ZNF300: variants seen among roughly 807,000 people sequenced by gnomAD.
ZNF300 encodes the protein zinc finger protein 300.
A neutral mutation model predicts 13.9 loss-of-function variants in ZNF300; 6 were observed. The observed-to-expected ratio is 0.43, with a 90% CI of 0.24 to 0.85. The LOEUF (loss-of-function observed/expected upper bound fraction) is 0.85, where lower values mean the gene tolerates loss of function less well. ZNF300 is among the 40% of genes least tolerant of loss of function. The pLI is 0.25. For missense variants in ZNF300, 662 were observed against 714.2 expected (o/e 0.93, Z 0.83); for synonymous variants, 237 against 242.2 (o/e 0.98, Z 0.20).
intron 3 of ZNF300, among the ~76,000 whole-genome samples, chr5:150,901,469 T>C (rs966146592): frequency 6.6e-6 from 1 of 152,010 alleles, no homozygotes; most frequent in Non-Finnish European, 1.5e-5. Flanking sequence ...CACATTTGGC[T>C]GATGGCTACT....
intron 5 of ZNF300, 91 bp downstream of exon 5, chr5:150,897,971 A>G (rs886697652): frequency 6.8e-7 from 1 of 1,474,616 alleles, no homozygotes. Flanking sequence ...TTCTCAGCAT[A>G]GAAGCAAAGA....
rs1754764441 is a variant in ZNF300, at chr5:150,896,129, T to C, written c.1110A>G (p.Ile370Met). The C allele has an allele frequency of 6.2e-7, 1 of 1,613,292 alleles. No homozygotes were observed. Among genetic ancestry groups the C allele is most frequent in the Non-Finnish European group, 8.5e-7 (1 of 1,179,738 alleles). Residue 370 changes from isoleucine to methionine, a missense_variant, in exon 6 of 6, where the codon ATA (isoleucine) becomes ATG (methionine). Physicochemically the swap from Ile to Met is conservative, Grantham distance 10 (BLOSUM62 1). Transcript: ENST00000274599. ...TTTCCCCAGTATGTATTCTCTGATG[T>C]ATAATGAGGGGTGATTTCTGGGAGA... ...KAFSQKSPLI[I>M]HQRIHTGEKP... is the part of the protein sequence containing the mutation.
intron 4 of ZNF300, 67 bp downstream of exon 4, chr5:150,898,361 C>G (rs1466880188): frequency 8.1e-6 from 13 of 1,611,642 alleles, no homozygotes; most frequent in Non-Finnish European, 1.1e-5. Flanking sequence ...ACAATCTAAT[C>G]ACAGCAACTA....
At chr5:150,897,863 C>A (rs1754848660) in intron 5 of ZNF300, 199 bp downstream of exon 5, 1 of 513,032 alleles carries the variant, frequency 1.9e-6, no homozygotes, top group Non-Finnish European at 3.1e-6. Flanking sequence ...GGAAAGACAA[C>A]AAATATAAAC....
In ZNF300 at chr5:150,895,781, T is replaced by C. The variant is rs188394854; in HGVS notation, c.1458A>G (p.Thr486=). Residue 486 remains threonine (T), a synonymous_variant, in exon 6 of 6, where the codon ACA becomes ACG. Transcript: ENST00000274599. ...ATTTATAGGGTTTTTCTCCAGTATG[T>C]GTTCTCTGATGTATGATGAGCTGTG... The part of the protein sequence containing the change: ...RKSQLIIHQR[T]HTGEKPYKCS... 345 of 1,613,460 alleles carry C rather than the reference T, an allele frequency of 2.1e-4. No individual in the cohort carries two copies. Among genetic ancestry groups the C allele is most frequent in the Middle Eastern group, 6.6e-4 (4 of 6,076 alleles).
Position 150,895,867 on chromosome 5 carries a change from C to G in ZNF300, c.1372G>C (p.Val458Leu). 1 of 1,613,412 alleles carries G rather than the reference C, an allele frequency of 6.2e-7. No homozygotes were observed. The highest frequency in any genetic ancestry group is 1.7e-5 in the Admixed American group (1 of 59,836). ...RKTELITHQL[V>L]HTGEKPYECT... ...TCATAAGGTTTTTCCCCAGTATGAA[C>G]TAACTGATGTGTAATGAGTTCTGTC... Residue 458 changes from valine (V) to leucine (L), a missense_variant, in exon 6 of 6, where the codon GTT (valine) becomes CTT (leucine). Transcript: ENST00000274599.
rs776151574 is a variant in ZNF300 at position 150,896,113 on chromosome 5, TATGTATTCTCTG to T, written c.1114_1125del (p.Gln372_His375del). The T allele has an allele frequency of 6.2e-7, 1 of 1,613,428 alleles. No individual in the cohort carries two copies. Among genetic ancestry groups the T allele is most frequent in the Non-Finnish European group, 8.5e-7 (1 of 1,179,732 alleles). ...CTACATTCATAGGGTTTTTCCCCAG[TATGTATTCTCTG>T]ATGTATAATGAGGGGTGATTTCTGG... On this transcript the variant is annotated inframe_deletion, in exon 6 of 6. Transcript: ENST00000274599.
chr5:150,903,426 G>T, intron 2 of ZNF300: 1 of 1,402,302 alleles, frequency 7.1e-7, no homozygotes, highest in Non-Finnish European at 9.8e-7. Context: ...TTTTATAATT[G>T]GATAGATGTG....
At position 150,903,135 on chromosome 5, in the gene ZNF300, A is replaced by G. The variant is rs1005334745; in HGVS notation, c.15+6T>C. The G allele has an allele frequency of 6.2e-6, 10 of 1,605,556 alleles. No homozygotes were observed. The African/African-American group carries it at 8.1e-5, about 13-fold the overall frequency. ...GAATTTTTTTTTTTTTTAAAAAGCA[A>G]CTCACCTGGGACTTCATCATTTTTT... is the stretch of plus-strand genomic sequence containing the variant. On this transcript the variant is annotated splice_donor_region_variant and intron_variant, in intron 3 of 5. Transcript: ENST00000274599.
At position 150,894,703 on chromosome 5, in the gene ZNF300, G is replaced by C. The variant is rs1025921370; in HGVS notation, c.*721C>G. The C allele has an allele frequency of 6.6e-6, 1 of 152,290 alleles. No homozygotes were observed. Among genetic ancestry groups the C allele is most frequent in the Admixed American group, 6.6e-5 (1 of 15,266 alleles). The allele number at this position is 152,290 out of a possible 1,614,324, so 9.4% of individuals were successfully genotyped here. On this transcript the variant is annotated 3_prime_UTR_variant, in exon 6 of 6. Coordinates refer to ENST00000274599, the MANE Select transcript of ZNF300 (RefSeq NM_052860.4). The stretch of plus-strand genomic sequence containing the variant: ...CTTACTGATAAAAAATACTCAGCTA[G>C]GAGAAGTATGTTTGCCTAAAGTCAC...
chr5:150,897,058 A>G, intron 5 of ZNF300, 85 bp from the exon 6 acceptor site: 1 of 1,057,906 alleles, frequency 9.5e-7, no homozygotes, highest in Non-Finnish European at 1.3e-6. Flanking sequence ...ATGATCCAAC[A>G]TAGTAGATGA....
In ZNF300 at chr5:150,898,049, A is replaced by G; in HGVS notation, c.265+13T>C. ...CAATCAATTAAAAAAACATAAATTG[A>G]TATTTCACTTCCCTTGTCTCCCATC... On this transcript the variant is annotated intron_variant, in intron 5 of 5. Coordinates refer to ENST00000274599, the MANE Select transcript of ZNF300 (RefSeq NM_052860.4). 1 of 1,605,096 alleles carries G rather than the reference A, an allele frequency of 6.2e-7. No homozygotes were observed. The highest frequency in any genetic ancestry group is 8.5e-7 in the Non-Finnish European group (1 of 1,177,180).
chr5:150,904,468 TCA>T (rs1177768222), intron 1 of ZNF300, among the ~76,000 whole-genome samples: 2 of 151,986 alleles, frequency 1.3e-5, no homozygotes, highest in East Asian at 3.9e-4. Flanking sequence ...CACTGATTCC[TCA>T]GAGTCCCCTA....
Position 150,895,812 on chromosome 5 carries a change from C to A in ZNF300, c.1427G>T (p.Arg476Leu). The A allele has an allele frequency of 1.2e-6, 2 of 1,613,076 alleles. No individual in the cohort carries two copies. The highest frequency in any genetic ancestry group is 8.5e-7 in the Non-Finnish European group (1 of 1,179,706). The change falls in exon 6 of 6, where the codon CGC becomes CTC. Residue 476 changes from arginine to leucine, a missense_variant. Coordinates refer to ENST00000274599, the MANE Select transcript of ZNF300 (RefSeq NM_052860.4). ...ECTECGKTFS[R>L]KSQLIIHQRT... ...CTGATGTATGATGAGCTGTGACTTG[C>A]GGGAGAATGTCTTTCCACATTCAGT...
intron 3 of ZNF300, chr5:150,900,463 C>G (rs1010381661): frequency 2.0e-5 from 3 of 152,124 alleles, no homozygotes; most frequent in Non-Finnish European, 2.9e-5. Context: ...TCCCCCCTCT[C>G]TGCTATAACA....
Position 150,895,678 on chromosome 5 carries a change from A to G in ZNF300, c.1561T>C (p.Tyr521His). 1.2e-6 allele frequency: 2 copies of G among 1,613,472 alleles called. No individual in the cohort carries two copies. The highest frequency in any genetic ancestry group is 1.7e-6 in the Non-Finnish European group (2 of 1,179,792). The change falls in exon 6 of 6, where the codon TAT (tyrosine) becomes CAT (histidine). Residue 521 changes from tyrosine (Y) to histidine (H), a missense_variant. Tyr to His is a moderately conservative substitution (Grantham distance 83, BLOSUM62 2). Coordinates refer to ENST00000274599, the MANE Select transcript of ZNF300 (RefSeq NM_052860.4). ...GCTTTCCCACATTCAGTACATATATAAGGTTTTTCTCCTGTGTGAATTCTC... is the reference window on the plus strand; with the variant it reads ...GCTTTCCCACATTCAGTACATATATGAGGTTTTTCTCCTGTGTGAATTCTC... ...HQRIHTGEKP[Y>H]ICTECGKAFS...
In ZNF300 at chr5:150,895,435, C is replaced by T. The variant is rs1224924065; in HGVS notation, c.1804G>A (p.Val602Ile). 2 of 1,599,844 alleles carry T rather than the reference C, an allele frequency of 1.3e-6. No individual in the cohort carries two copies. Among genetic ancestry groups the T allele is most frequent in the Admixed American group, 3.4e-5 (2 of 58,866 alleles). ...LTVHQRIHTV[V>I]KS ...CTGTGGCCAGTTCATTATGATTTTA[C>T]CACTGTGTGAATTCTCTGGTGTACA... The change falls in exon 6 of 6, where the codon GTA becomes ATA. Residue 602 changes from valine (V) to isoleucine (I), a missense_variant. Physicochemically the swap from Val to Ile is conservative, Grantham distance 29. Transcript: ENST00000274599.
chr5:150,898,521 A>T lies in ZNF300; in HGVS notation c.49T>A (p.Phe17Ile), dbSNP rs1197491781. Residue 17 changes from phenylalanine (F) to isoleucine (I), a missense_variant, in exon 4 of 6, where the codon TTC becomes ATC. Transcript: ENST00000274599. ...LVSFKDVAVD[F>I]TQEEWQQLDP... is the part of the protein sequence containing the mutation. ...AGTTGCTGCCACTCCTCCTGGGTGA[A>T]ATCCACAGCCACATCCTTGAATGAT... is the stretch of plus-strand genomic sequence containing the variant. 1.2e-6 allele frequency: 2 copies of T among 1,612,858 alleles called. No homozygotes were observed. The highest frequency in any genetic ancestry group is 1.7e-6 in the Non-Finnish European group (2 of 1,179,268).
chr5:150,895,845 T>C lies in ZNF300; in HGVS notation c.1394A>G (p.Tyr465Cys). The C allele has an allele frequency of 6.2e-7, 1 of 1,613,682 alleles. No homozygotes were observed. Among genetic ancestry groups the C allele is most frequent in the Non-Finnish European group, 8.5e-7 (1 of 1,179,848 alleles). Residue 465 changes from tyrosine to cysteine, a missense_variant, in exon 6 of 6, where the codon TAT becomes TGT. By Grantham distance (194) the Tyr-to-Cys change is radical. Transcript: ENST00000274599. ...HQLVHTGEKPYECTECGKTFS... is the reference protein window; with the variant it reads ...HQLVHTGEKPCECTECGKTFS... ...TGTCTTTCCACATTCAGTACATTCA[T>C]AAGGTTTTTCCCCAGTATGAACTAA...
Sources: allele counts gnomAD v4.1 joint callset (sites outside exome capture counted in the v4.1 genomes callset), GRCh38; gene constraint gnomAD v4.1.1; transcripts MANE v1.5; gene names NCBI Gene and HGNC (gene_info 2026-07-23, HGNC 2026-07-21).